The following EYA4 variants were observed in gnomAD, a reference collection of about 807,000 sequenced individuals.
EYA4 encodes protein phosphatase EYA4.
Under a neutral mutation model 87.9 loss-of-function variants are expected in EYA4, and 31 were observed. The ratio of observed to expected loss-of-function variants is 0.35; its 90% CI spans 0.27 to 0.48. The LOEUF is 0.48. Ranked by LOEUF, EYA4 falls within the 20% of genes least tolerant of loss-of-function variation. EYA4 has a pLI of 0.99. For synonymous variants in EYA4, 263 were observed against 270.6 expected, an observed-to-expected ratio of 0.97 and a Z score of 0.28; for missense variants, 678 against 761.4, an observed-to-expected ratio of 0.89 and a Z score of 1.29.
intron 16 of EYA4, 130 bp from the exon 17 acceptor site, chr6:133,515,191 T>C (rs900581983): frequency 1.4e-6 from 1 of 709,100 alleles, no homozygotes; most frequent in African/African-American, 1.7e-5. Context: ...TGGACATAAA[T>C]CTGTATCTCT....
chr6:133,375,792 T>C (rs1191403940), intron 2 of EYA4, among the ~76,000 whole-genome samples: 1 of 151,822 alleles, frequency 6.6e-6, no homozygotes, highest in Non-Finnish European at 1.5e-5. Context: ...CTTGTAAGTA[T>C]TAGAAAATAT....
intron 3 of EYA4, among the ~76,000 whole-genome samples, chr6:133,432,896 A>G (rs969575759): frequency 6.6e-6 from 1 of 152,136 alleles, no homozygotes; most frequent in African/African-American, 2.4e-5. Context: ...GAAGAGTCTC[A>G]GTGTTATTTA....
intron 3 of EYA4, among the ~76,000 whole-genome samples, chr6:133,444,701 A>G: frequency 6.6e-6 from 1 of 151,944 alleles, no homozygotes; most frequent in Non-Finnish European, 1.5e-5. Flanking sequence ...GGGCACAGTG[A>G]CCCCGTTTAG....
At position 133,272,318 on chromosome 6, in the gene EYA4, G is replaced by A. The variant is rs140665884; in HGVS notation, c.-65-2398G>A. Among the ~76,000 whole-genome samples, 330 of 152,320 alleles carry A rather than the reference G, an allele frequency of 2.2e-3. 2 individuals are homozygous for A. The highest frequency in any genetic ancestry group is 6.0e-3 in the African/African-American group (250 of 41,576). ...GATGCAGCCTTGGGGAGAGAAGGTA[G>A]GGTGGCAGGAGTAGAAACCATGGAC... On this transcript the variant is annotated intron_variant, in intron 1 of 19. Transcript: ENST00000355286.
chr6:133,528,292 T>C (rs1247254494), intron 19 of EYA4, among the ~76,000 whole-genome samples: 1 of 152,132 alleles, frequency 6.6e-6, no homozygotes, highest in African/African-American at 2.4e-5. Flanking sequence ...CTTCCTAGAT[T>C]AACAAAATTA....
intron 17 of EYA4, among the ~76,000 whole-genome samples, chr6:133,517,317 C>CG (rs1248673253): frequency 4.6e-5 from 7 of 151,812 alleles, no homozygotes; most frequent in Non-Finnish European, 8.8e-5. Context: ...TACAACAACC[C>CG]CCCATGACAC....
rs1391173568 is a variant in EYA4 at position 133,513,042 on chromosome 6, T to A, written c.1501+4T>A. ...ACCTACAAGAACAACGTTGGAGGTA[T>A]GTGTGGCTTTTTCAATCTAACAAAG... On this transcript the variant is annotated splice_donor_region_variant and intron_variant, in intron 16 of 19. Coordinates refer to ENST00000355286, the MANE Select transcript of EYA4 (RefSeq NM_004100.5). 1.9e-6 allele frequency: 3 copies of A among 1,613,524 alleles called. No individual in the cohort carries two copies. Among genetic ancestry groups the A allele is most frequent in the Non-Finnish European group, 2.5e-6 (3 of 1,179,616 alleles).
chr6:133,474,164 C>T (rs1795519763), intron 11 of EYA4, among the ~76,000 whole-genome samples: 2 of 151,060 alleles, frequency 1.3e-5, no homozygotes, highest in South Asian at 4.2e-4. Flanking sequence ...TGGACAAGAC[C>T]AAAAGGGTGT....
intron 13 of EYA4, among the ~76,000 whole-genome samples, chr6:133,499,833 G>A (rs1797954477): frequency 6.6e-6 from 1 of 151,950 alleles, no homozygotes; most frequent in Non-Finnish European, 1.5e-5. Context: ...CTAAGCCACA[G>A]TTCTACTCAG....
chr6:133,249,743 C>T (rs923760603), intron 1 of EYA4, among the ~76,000 whole-genome samples: 3 of 152,196 alleles, frequency 2.0e-5, no homozygotes, highest in South Asian at 4.1e-4. Flanking sequence ...ACTTAAGGTG[C>T]AAAATGTTAG....
At chr6:133,486,751 A>G (rs997728157) in intron 13 of EYA4, among the ~76,000 whole-genome samples, 7 of 152,178 alleles carry the variant, frequency 4.6e-5, no homozygotes, top group African/African-American at 1.7e-4. Flanking sequence ...TGTTCCAGGA[A>G]TATGAAGTCT....
At chr6:133,288,038 A>G (rs1198260737) in intron 2 of EYA4, among the ~76,000 whole-genome samples, 1 of 152,188 alleles carries the variant, frequency 6.6e-6, no homozygotes, top group East Asian at 1.9e-4. Flanking sequence ...CTGAAGTAGA[A>G]GAATCGCTGG....
intron 1 of EYA4, among the ~76,000 whole-genome samples, chr6:133,260,688 A>T (rs55839139): frequency 0.02 from 3,047 of 152,232 alleles, 101 homozygotes; most frequent in African/African-American, 0.07. Flanking sequence ...CATACCACAG[A>T]TGCAGTAAAC....
Position 133,382,380 on chromosome 6 carries a change from C to G in EYA4, c.34-12C>G. ...TTTTCATATGAGAATAACTAGTACTCTTTTCTTACAGGTAAAGAAAACGTG... is the reference window on the plus strand; with the variant it reads ...TTTTCATATGAGAATAACTAGTACTGTTTTCTTACAGGTAAAGAAAACGTG... On this transcript the variant is annotated splice_polypyrimidine_tract_variant and intron_variant, in intron 2 of 19. Coordinates refer to ENST00000355286, the MANE Select transcript of EYA4 (RefSeq NM_004100.5). 6.3e-7 allele frequency: 1 copy of G among 1,585,672 alleles called. No individual in the cohort carries two copies. Among genetic ancestry groups the G allele is most frequent in the South Asian group, 1.1e-5 (1 of 90,506 alleles).
chr6:133,525,336 A>T, intron 19 of EYA4, 82 bp downstream of exon 19: 1 of 1,094,758 alleles, frequency 9.1e-7, no homozygotes, highest in Admixed American at 1.8e-5. Flanking sequence ...GCCCAATGGC[A>T]GCTTGACAAA....
intron 3 of EYA4, among the ~76,000 whole-genome samples, chr6:133,393,308 T>A (rs1177646389): frequency 6.6e-6 from 1 of 152,136 alleles, no homozygotes; most frequent in Non-Finnish European, 1.5e-5. Flanking sequence ...GTACTATTTA[T>A]TGAGCATCTA....
chr6:133,398,179 G>T (rs543557222), intron 3 of EYA4, among the ~76,000 whole-genome samples: 2 of 152,304 alleles, frequency 1.3e-5, no homozygotes, highest in Admixed American at 6.5e-5. Context: ...CAGAGGAATC[G>T]TGAAAGAAAG....
At chr6:133,441,476 C>T (rs79446652) in intron 3 of EYA4, among the ~76,000 whole-genome samples, 4,837 of 152,230 alleles carry the variant, frequency 0.032, 264 homozygotes, top group East Asian at 0.23. Context: ...TAGAAGGGTG[C>T]GCACTTACAG....
At chr6:133,429,536 G>A (rs1790990562) in intron 3 of EYA4, among the ~76,000 whole-genome samples, 1 of 152,038 alleles carries the variant, frequency 6.6e-6, no homozygotes, top group East Asian at 1.9e-4. Flanking sequence ...GACTGTGAGG[G>A]GAAAAGTAGT....
Sources: allele counts gnomAD v4.1 joint callset (sites outside exome capture counted in the v4.1 genomes callset), GRCh38; gene constraint gnomAD v4.1.1; transcripts MANE v1.5; gene names NCBI Gene and HGNC (gene_info 2026-07-23, HGNC 2026-07-21).